Variants in GDPGP1 observed in about 807,000 individuals in gnomAD.
GDPGP1 encodes the protein GDP-D-glucose phosphorylase 1, also known as GDP-D-glucose phosphorylase C15orf58.
Under a neutral mutation model 19.2 loss-of-function variants are expected in GDPGP1, and 18 were observed. The observed-to-expected ratio is 0.94, with a 90% CI of 0.65 to 1.39. The LOEUF (loss-of-function observed/expected upper bound fraction) is 1.39. Ranked by LOEUF, GDPGP1 falls within the 40% of genes most tolerant of loss-of-function variation. The pLI, the probability that GDPGP1 is intolerant of heterozygous loss-of-function variation, is 0.00. For synonymous variants in GDPGP1, 219 were observed against 208.9 expected (o/e 1.05, Z -0.42); for missense variants, 449 against 490.5 (o/e 0.92, Z 0.80).
chr15:90,234,960 G>T (rs1359863547), intron 2 of GDPGP1, among the ~76,000 whole-genome samples: 1 of 152,204 alleles, frequency 6.6e-6, no homozygotes, highest in African/African-American at 2.4e-5. Context: ...ATTAATTCTT[G>T]ATCCTTCCAA....
At chr15:90,235,671 C>T (rs1962619575) in intron 2 of GDPGP1, among the ~76,000 whole-genome samples, 1 of 150,778 alleles carries the variant, frequency 6.6e-6, no homozygotes, top group South Asian at 2.1e-4. Flanking sequence ...GGGTTCACGC[C>T]ATTCTTCTAC....
intron 2 of GDPGP1, among the ~76,000 whole-genome samples, chr15:90,235,206 A>C (rs1183655865): frequency 6.6e-6 from 1 of 152,182 alleles, no homozygotes; most frequent in Non-Finnish European, 1.5e-5. Context: ...AAGAATACCC[A>C]GTGCTCTCCT....
rs3029932 is a variant in GDPGP1, at chr15:90,243,640, G to GTTTTTT, written c.*1599_*1604dup. 4.0e-5 allele frequency: 4 copies of GTTTTTT among 99,406 alleles called. No homozygotes were observed. The highest frequency in any genetic ancestry group is 1.5e-4 in the African/African-American group (4 of 26,562). 6.2% of individuals were successfully genotyped at this position (99,406 alleles called of 1,614,324 possible). A position where few individuals can be genotyped will look rare whatever the true frequency, so the allele number is the denominator to read the frequency against. ...AAGATGCCACCACACCTTGGTGCAG[G>GTTTTTT]TTTTTTTTTTTTTTTTTTTTTTTTT... On this transcript the variant is annotated 3_prime_UTR_variant, in exon 4 of 4. Coordinates refer to ENST00000329600, the MANE Select transcript of GDPGP1 (RefSeq NM_001013657.3).
rs930593703 is a variant in GDPGP1, at chr15:90,241,619, C to T, written c.711C>T (p.Pro237=). 3 of 1,613,992 alleles carry T rather than the reference C, an allele frequency of 1.9e-6. No homozygotes were observed. Among genetic ancestry groups the T allele is most frequent in the Non-Finnish European group, 2.5e-6 (3 of 1,180,052 alleles). Residue 237 remains proline, a synonymous_variant, in exon 4 of 4, where the codon CCC becomes CCT. Coordinates refer to ENST00000329600, the MANE Select transcript of GDPGP1 (RefSeq NM_001013657.3). ...CCGTGGAGCAGGCGCCAAGCGAGCC[C>T]CTGGACCCTGGAGGCCATTTGCATC... ...RLPVEQAPSE[P]LDPGGHLHLL...
At position 90,241,870 on chromosome 15, in the gene GDPGP1, G is replaced by A. The variant is rs756419713; in HGVS notation, c.962G>A (p.Gly321Glu). The A allele has an allele frequency of 6.3e-5, 102 of 1,614,008 alleles. No homozygotes were observed. The highest frequency in any genetic ancestry group is 8.4e-5 in the Non-Finnish European group (99 of 1,180,034). The change falls in exon 4 of 4, where the codon GGG (glycine) becomes GAG (glutamate). Residue 321 changes from glycine to glutamate, a missense_variant. Coordinates refer to ENST00000329600, the MANE Select transcript of GDPGP1 (RefSeq NM_001013657.3). The part of the protein sequence containing the change: ...VILWARKSSF[G>E]IKDGEAFNVA... The stretch of plus-strand genomic sequence containing the variant: ...CTGTGGGCCCGGAAGTCCAGCTTTG[G>A]GATAAAGGACGGTGAAGCTTTCAAT...
chr15:90,242,043 C>T lies in GDPGP1; in HGVS notation c.1135C>T (p.Leu379=). ...AGACGTACAGGCAGCACTGGTGGCCCTGATGTCCCAGGAAGAGCAATAATA... is the reference window on the plus strand; with the variant it reads ...AGACGTACAGGCAGCACTGGTGGCCTTGATGTCCCAGGAAGAGCAATAATA... ...AEDVQAALVA[L]MSQEEQ The change falls in exon 4 of 4, where the codon CTG becomes TTG. Residue 379 remains leucine (L), a synonymous_variant. Coordinates refer to ENST00000329600, the MANE Select transcript of GDPGP1 (RefSeq NM_001013657.3). The T allele has an allele frequency of 1.2e-6, 2 of 1,608,738 alleles. No homozygotes were observed. Among genetic ancestry groups the T allele is most frequent in the Non-Finnish European group, 1.7e-6 (2 of 1,177,424 alleles).
chr15:90,242,063 A>G lies in GDPGP1; in HGVS notation c.1155A>G (p.Gln385=). ...ALVALMSQEE[Q] ...TGGCCCTGATGTCCCAGGAAGAGCA[A>G]TAATACTTCTGGATGTATTTATGTT... is the stretch of plus-strand genomic sequence containing the variant. Residue 385 remains glutamine, a synonymous_variant, in exon 4 of 4, where the codon CAA becomes CAG. Transcript: ENST00000329600. 5 of 1,597,448 alleles carry G rather than the reference A, an allele frequency of 3.1e-6. No individual in the cohort carries two copies. The highest frequency in any genetic ancestry group is 2.2e-5 in the East Asian group (1 of 44,688).
chr15:90,238,311 T>C (rs551686282), intron 2 of GDPGP1, among the ~76,000 whole-genome samples, 181 bp from the exon 3 acceptor site: 1 of 152,048 alleles, frequency 6.6e-6, no homozygotes, highest in African/African-American at 2.4e-5. Context: ...AAAAAAAAAA[T>C]TGACCATCTG....
intron 3 of GDPGP1, among the ~76,000 whole-genome samples, chr15:90,240,254 T>A (rs1004075414): frequency 6.6e-6 from 1 of 151,054 alleles, no homozygotes; most frequent in Non-Finnish European, 1.5e-5. Flanking sequence ...AGGCCTGTAA[T>A]CCCAGCACTT....
At chr15:90,235,829 A>G (rs1164597711) in intron 2 of GDPGP1, among the ~76,000 whole-genome samples, 5 of 151,966 alleles carry the variant, frequency 3.3e-5, no homozygotes, top group African/African-American at 1.2e-4. Context: ...CGGCCTCTCA[A>G]AGTGCTGGGA....
intron 2 of GDPGP1, among the ~76,000 whole-genome samples, chr15:90,236,832 GATT>G (rs1266408571): frequency 6.6e-6 from 1 of 152,050 alleles, no homozygotes; most frequent in African/African-American, 2.4e-5. Context: ...TCTCATGGTA[GATT>G]ATTAAATGGG....
In GDPGP1 at chr15:90,244,991, G is replaced by C. The variant is rs1962835029; in HGVS notation, c.*2925G>C. 1.3e-5 allele frequency: 2 copies of C among 152,416 alleles called. No homozygotes were observed. The highest frequency in any genetic ancestry group is 2.9e-5 in the Non-Finnish European group (2 of 68,136). The allele number at this position is 152,416 out of a possible 1,614,324, so 9.4% of individuals were successfully genotyped here. On this transcript the variant is annotated 3_prime_UTR_variant, in exon 4 of 4. Coordinates refer to ENST00000329600, the MANE Select transcript of GDPGP1 (RefSeq NM_001013657.3). ...CTGTCTGAGTGGGCTCACCCAGGAG[G>C]GGTTTTGATTTCTCTGCCTCCCAAA...
intron 3 of GDPGP1, among the ~76,000 whole-genome samples, chr15:90,239,772 G>C (rs912023983): frequency 6.6e-6 from 1 of 152,182 alleles, no homozygotes; most frequent in Admixed American, 6.5e-5. Flanking sequence ...GCAATGGTGC[G>C]ATCTCGGCAG....
rs147678028 is a variant in GDPGP1 at position 90,241,611 on chromosome 15, A to T, written c.703A>T (p.Ser235Cys). 4.0e-5 allele frequency: 65 copies of T among 1,613,870 alleles called. No homozygotes were observed. The highest frequency in any genetic ancestry group is 1.0e-4 in the Admixed American group (6 of 60,014). ...CAGACTGCCCGTGGAGCAGGCGCCA[A>T]GCGAGCCCCTGGACCCTGGAGGCCA... ...AHRLPVEQAP[S>C]EPLDPGGHLH... The change falls in exon 4 of 4, where the codon AGC becomes TGC. Residue 235 changes from serine (S) to cysteine (C), a missense_variant. Transcript: ENST00000329600.
chr15:90,244,383 T>A lies in GDPGP1; in HGVS notation c.*2317T>A, dbSNP rs1962825063. The A allele has an allele frequency of 6.6e-6, 1 of 152,230 alleles. No homozygotes were observed. The highest frequency in any genetic ancestry group is 6.5e-5 in the Admixed American group (1 of 15,276). 9.4% of individuals were successfully genotyped at this position (152,230 alleles called of 1,614,324 possible). ...AGTCAATGTGGGAAATTTTTTTTTA[T>A]CTCATTGCTTTGTTCTGTCCTGTTT... On this transcript the variant is annotated 3_prime_UTR_variant, in exon 4 of 4. Transcript: ENST00000329600.
intron 2 of GDPGP1, chr15:90,236,078 G>T (rs1364064926): frequency 6.6e-6 from 1 of 152,014 alleles, no homozygotes; most frequent in Non-Finnish European, 1.5e-5. Context: ...CACTCCTGTT[G>T]CCCAGGCTGG....
intron 2 of GDPGP1, among the ~76,000 whole-genome samples, chr15:90,237,216 C>T (rs1567071412): frequency 6.6e-6 from 1 of 151,996 alleles, no homozygotes; most frequent in Non-Finnish European, 1.5e-5. Context: ...ACCTTGGCCC[C>T]CCAGAGTGCT....
At position 90,241,798 on chromosome 15, in the gene GDPGP1, C is replaced by A. The variant is rs1022236290; in HGVS notation, c.890C>A (p.Pro297Gln). The A allele has an allele frequency of 5.0e-6, 8 of 1,614,206 alleles. No individual in the cohort carries two copies. The highest frequency in any genetic ancestry group is 4.2e-6 in the Non-Finnish European group (5 of 1,180,030). ...HNLFVTRGAP[P>Q]GKTSPSSALT... ...TTGTTTGTCACCCGGGGAGCTCCGC[C>A]GGGAAAGACATCACCTTCCTCAGCC... Residue 297 changes from proline to glutamine, a missense_variant, in exon 4 of 4, where the codon CCG becomes CAG. By Grantham distance (76) the Pro-to-Gln change is moderately conservative (BLOSUM62 -1). Coordinates refer to ENST00000329600, the MANE Select transcript of GDPGP1 (RefSeq NM_001013657.3).
At chr15:90,239,951 C>A (rs140744612) in intron 3 of GDPGP1, among the ~76,000 whole-genome samples, 3,679 of 151,904 alleles carry the variant, frequency 0.024, 142 homozygotes, top group African/African-American at 0.08. Context: ...TGGCTGGGCG[C>A]AGTGGCTCAC....
Sources: allele counts gnomAD v4.1 joint callset (sites outside exome capture counted in the v4.1 genomes callset), GRCh38; gene constraint gnomAD v4.1.1; transcripts MANE v1.5; gene names NCBI Gene and HGNC (gene_info 2026-07-23, HGNC 2026-07-21).